Variants in KDM6A observed in about 807,000 individuals in gnomAD.
KDM6A encodes the protein lysine demethylase 6A.
KDM6A carries 11 observed loss-of-function variants against 117.6 expected under a neutral mutation model. That is an observed-to-expected ratio of 0.09 (90% confidence interval 0.06 to 0.15). The LOEUF (loss-of-function observed/expected upper bound fraction) is 0.15. Ranked by LOEUF, KDM6A falls within the 10% of genes least tolerant of loss-of-function variation. KDM6A has a pLI of 1.00. For missense variants in KDM6A, 799 were observed against 1,077.3 expected, an observed-to-expected ratio of 0.74 and a Z score of 3.62; for synonymous variants, 384 against 396.1, an observed-to-expected ratio of 0.97 and a Z score of 0.36.
At chrX:45,042,529 C>T (rs1321397983) in intron 8 of KDM6A, among the ~76,000 whole-genome samples, 2 of 111,139 alleles carry the variant, frequency 1.8e-5, no homozygotes, top group Admixed American at 1.9e-4. Flanking sequence ...TTTATAGTTC[C>T]ACCAATTTTT....
chrX:44,883,468 G>A (rs1022278223), intron 2 of KDM6A, among the ~76,000 whole-genome samples: 3 of 110,563 alleles, frequency 2.7e-5, no homozygotes, highest in Non-Finnish European at 5.7e-5. Context: ...CACCTCCCAG[G>A]TTCAAGTGAT....
chrX:44,975,579 C>T (rs997475515), intron 4 of KDM6A, among the ~76,000 whole-genome samples: 3 of 111,394 alleles, frequency 2.7e-5, no homozygotes, highest in African/African-American at 6.5e-5. Flanking sequence ...TTATCACATG[C>T]TATAAAATTA....
intron 8 of KDM6A, among the ~76,000 whole-genome samples, chrX:45,051,446 G>A (rs1314883602): frequency 1.8e-5 from 2 of 111,597 alleles, no homozygotes; most frequent in African/African-American, 3.3e-5. Context: ...GATGATATTG[G>A]CATTTGGAAA....
At chrX:45,061,208 C>A (rs1001075118) in intron 14 of KDM6A, 116 bp from the exon 15 acceptor site, 5 of 411,724 alleles carry the variant, frequency 1.2e-5, no homozygotes, top group Non-Finnish European at 2.1e-5. Context: ...GTTATAACAT[C>A]TTTTTAACAT....
At chrX:45,029,871 T>G (rs2042535988) in intron 6 of KDM6A, among the ~76,000 whole-genome samples, 1 of 111,276 alleles carries the variant, frequency 9.0e-6, no homozygotes, top group South Asian at 3.8e-4. Flanking sequence ...CCTATACTTT[T>G]GTAAAGTATG....
rs772895912 is a variant in KDM6A at position 45,004,148 on chromosome X, A to G, written c.385-6813A>G. On this transcript the variant is annotated intron_variant, in intron 4 of 29. Coordinates refer to ENST00000611820, the MANE Select transcript of KDM6A (RefSeq NM_001291415.2). ...TGAAGTGGCCTGTTCTTCGACATCA[A>G]TAGCACCTATCTTGTCCTTCCTCCT... Among the ~76,000 whole-genome samples, 16 of 110,535 alleles carry G rather than the reference A, an allele frequency of 1.4e-4. No individual in the cohort carries two copies. In the South Asian group the frequency reaches 1.5e-3, roughly 11 times the overall value.
At position 45,079,252 on chromosome X, in the gene KDM6A, T is replaced by G; in HGVS notation, c.3201T>G (p.Thr1067=). Residue 1067 remains threonine (T), a synonymous_variant, in exon 21 of 30, where the codon ACT becomes ACG. Transcript: ENST00000611820. ...CAGCAGATGAAAACTGGGATCCCAC[T>G]GGAACAAAGAAAATCTGGCATTGTG... The part of the protein sequence containing the change: ...LQPADENWDP[T]GTKKIWHCES... 1 of 1,206,880 alleles carries G rather than the reference T, an allele frequency of 8.3e-7. No homozygotes were observed.
intron 8 of KDM6A, among the ~76,000 whole-genome samples, chrX:45,051,158 C>T (rs1244425353): frequency 3.6e-5 from 4 of 110,956 alleles, no homozygotes; most frequent in Non-Finnish European, 7.5e-5. Flanking sequence ...TACATGTGCG[C>T]GCCACCATGC....
intron 18 of KDM6A, among the ~76,000 whole-genome samples, chrX:45,075,638 TG>T (rs1350036579): frequency 9.0e-6 from 1 of 111,427 alleles, no homozygotes; most frequent in Non-Finnish European, 1.9e-5. Context: ...TAAAAGTCTA[TG>T]GCAGTGAAGG....
intron 2 of KDM6A, among the ~76,000 whole-genome samples, chrX:44,944,900 T>C (rs2037542903): frequency 9.0e-6 from 1 of 111,516 alleles, no homozygotes; most frequent in Non-Finnish European, 1.9e-5. Flanking sequence ...AGCTACCATT[T>C]CAGGTACTCT....
Position 45,107,509 on chromosome X carries a change from A to G in KDM6A, c.4134A>G (p.Glu1378=). The G allele has an allele frequency of 8.3e-7, 1 of 1,210,948 alleles. No individual in the cohort carries two copies. The highest frequency in any genetic ancestry group is 1.1e-6 in the Non-Finnish European group (1 of 894,678). Residue 1378 remains glutamate, a synonymous_variant, in exon 28 of 30, where the codon GAA becomes GAG. Transcript: ENST00000611820. ...TATGGCATGGGCGGACAAAAGAAGAACCAGCTCATTACTGTAGCATTTGTG... is the reference window on the plus strand; with the variant it reads ...TATGGCATGGGCGGACAAAAGAAGAGCCAGCTCATTACTGTAGCATTTGTG... The part of the protein sequence containing the change: ...EIIWHGRTKE[E]PAHYCSICEV...
chrX:44,876,879 A>G (rs766872312), intron 2 of KDM6A, among the ~76,000 whole-genome samples: 2 of 111,257 alleles, frequency 1.8e-5, no homozygotes, highest in African/African-American at 6.5e-5. Flanking sequence ...ACACACGTGT[A>G]CATATACATA....
chrX:44,899,868 G>T (rs927371814), intron 2 of KDM6A, among the ~76,000 whole-genome samples: 1 of 111,392 alleles, frequency 9.0e-6, no homozygotes, highest in African/African-American at 3.3e-5. Context: ...ATATTATGTC[G>T]TGAACAAAAT....
At chrX:44,942,180 G>C (rs1356475314) in intron 2 of KDM6A, among the ~76,000 whole-genome samples, 2 of 109,698 alleles carry the variant, frequency 1.8e-5, no homozygotes, top group Admixed American at 2.0e-4. Flanking sequence ...GATTACAGGT[G>C]CGCGCCACCA....
At chrX:45,012,989 C>A (rs375858209) in intron 5 of KDM6A, among the ~76,000 whole-genome samples, 6 of 111,799 alleles carry the variant, frequency 5.4e-5, no homozygotes, top group Admixed American at 3.8e-4. Context: ...TATTTAAAAC[C>A]AAAGATAGAT....
At chrX:45,077,194 C>A (rs1318224960) in intron 19 of KDM6A, among the ~76,000 whole-genome samples, 1 of 109,143 alleles carries the variant, frequency 9.2e-6, no homozygotes, top group Non-Finnish European at 1.9e-5. Context: ...CATCTACCCC[C>A]CCAAAAAAGA....
chrX:44,943,768 T>C (rs926727301), intron 2 of KDM6A, among the ~76,000 whole-genome samples: 2 of 112,114 alleles, frequency 1.8e-5, no homozygotes, highest in Admixed American at 1.9e-4. Flanking sequence ...GTATAGGTTT[T>C]GGTATGAGCA....
rs566724816 is a variant in KDM6A at position 44,876,260 on chromosome X, G to A, written c.225+2273G>A. On this transcript the variant is annotated intron_variant, in intron 2 of 29. Transcript: ENST00000611820. ...ATATAGTTCTTGGTTGCATCTTTGT[G>A]AGCCTGAACATACCAGTGGGGTGTG... 1.2e-4 allele frequency among the ~76,000 whole-genome samples: 13 copies of A among 111,323 alleles called. No homozygotes were observed. In the South Asian group the frequency reaches 4.9e-3, roughly 42 times the overall value.
rs553305411 is a variant in KDM6A, at chrX:45,058,008, C to T, written c.876-998C>T. Among the ~76,000 whole-genome samples the T allele has an allele frequency of 8.4e-5, 9 of 107,219 alleles. No homozygotes were observed. The South Asian group carries it at 3.6e-3, about 43-fold the overall frequency. The allele number at this position is 107,219 out of a possible 115,157, so 93.1% of individuals were successfully genotyped here. ...GTTTGCTTGGCAAACGTGCCATATACTGGCTGGCAATTAGGAATCACTAAA... is the reference window on the plus strand; with the variant it reads ...GTTTGCTTGGCAAACGTGCCATATATTGGCTGGCAATTAGGAATCACTAAA... On this transcript the variant is annotated intron_variant, in intron 10 of 29. Transcript: ENST00000611820.
Sources: allele counts gnomAD v4.1 joint callset (sites outside exome capture counted in the v4.1 genomes callset), GRCh38; gene constraint gnomAD v4.1.1; transcripts MANE v1.5; gene names NCBI Gene and HGNC (gene_info 2026-07-23, HGNC 2026-07-21).